Variants in MAML2 observed in about 807,000 individuals in gnomAD.
MAML2 encodes the protein mastermind-like protein 2.
MAML2 carries 22 observed loss-of-function variants against 96.1 expected under a neutral mutation model. The ratio of observed to expected loss-of-function variants is 0.23; its 90% CI spans 0.16 to 0.33. MAML2 has a LOEUF of 0.33. MAML2 is among the 10% of genes least tolerant of loss of function. The pLI is 1.00. For synonymous variants in MAML2, 561 were observed against 521.3 expected (o/e 1.08, Z -1.04); for missense variants, 1,367 against 1,392.4 (o/e 0.98, Z 0.29).
intron 1 of MAML2, among the ~76,000 whole-genome samples, chr11:96,251,058 A>G (rs748939482): frequency 6.6e-6 from 1 of 152,234 alleles, no homozygotes; most frequent in African/African-American, 2.4e-5. Flanking sequence ...GCAATTTTAT[A>G]TCGCTAGCAA....
intron 3 of MAML2, among the ~76,000 whole-genome samples, chr11:95,990,942 G>A (rs1212179858): frequency 6.6e-6 from 1 of 151,904 alleles, no homozygotes; most frequent in Non-Finnish European, 1.5e-5. Context: ...TATTAGGTTG[G>A]TGCAAAAGTG....
intron 1 of MAML2, among the ~76,000 whole-genome samples, chr11:96,184,337 G>T (rs1861538354): frequency 6.6e-6 from 1 of 151,998 alleles, no homozygotes; most frequent in Admixed American, 6.6e-5. Context: ...CTACTCAGGA[G>T]GCTGAGGCAG....
chr11:96,052,736 A>G, intron 2 of MAML2, among the ~76,000 whole-genome samples: 1 of 152,226 alleles, frequency 6.6e-6, no homozygotes, highest in East Asian at 1.9e-4. Flanking sequence ...CCTAACAAAG[A>G]ACAGAGAAAT....
intron 1 of MAML2, among the ~76,000 whole-genome samples, chr11:96,311,121 T>A (rs991583281): frequency 2.0e-5 from 3 of 152,228 alleles, no homozygotes; most frequent in Non-Finnish European, 2.9e-5. Context: ...TTTGTTCAAA[T>A]GTTCACAAGA....
chr11:96,228,044 G>GT (rs1378184496), intron 1 of MAML2, among the ~76,000 whole-genome samples: 1 of 152,210 alleles, frequency 6.6e-6, no homozygotes, highest in Non-Finnish European at 1.5e-5. Context: ...TGAGCCTGGA[G>GT]TGAGCTGAAA....
Position 96,051,980 on chromosome 11 carries a change from T to C in MAML2, c.2139+39912A>G, listed in dbSNP as rs376053661. On this transcript the variant is annotated intron_variant, in intron 2 of 4. Coordinates refer to ENST00000524717, the MANE Select transcript of MAML2 (RefSeq NM_032427.4). ...AGGATTCCGTTTAGAAACTAGACTA[T>C]GAGATGAAATGAAACAATGCATGTA... Among the ~76,000 whole-genome samples the C allele has an allele frequency of 3.4e-4, 52 of 152,302 alleles. 1 individual carries two copies. In the East Asian group the frequency reaches 4.4e-3, roughly 13 times the overall value.
intron 2 of MAML2, among the ~76,000 whole-genome samples, chr11:96,004,706 T>C (rs1043822363): frequency 1.3e-5 from 2 of 152,236 alleles, no homozygotes; most frequent in Admixed American, 6.5e-5. Flanking sequence ...TATACAATTT[T>C]GTATATTTTG....
At chr11:96,218,978 T>C (rs1025038457) in intron 1 of MAML2, among the ~76,000 whole-genome samples, 3 of 152,196 alleles carry the variant, frequency 2.0e-5, no homozygotes, top group Non-Finnish European at 2.9e-5. Context: ...TATCTCCAGA[T>C]TGTAGGTCTG....
chr11:95,979,851 T>C lies in MAML2; in HGVS notation c.2568A>G (p.Arg856=). The C allele has an allele frequency of 6.2e-7, 1 of 1,614,028 alleles. No homozygotes were observed. Among genetic ancestry groups the C allele is most frequent in the Non-Finnish European group, 8.5e-7 (1 of 1,179,886 alleles). Residue 856 remains arginine (R), a synonymous_variant, in exon 5 of 5, where the codon AGA becomes AGG. Coordinates refer to ENST00000524717, the MANE Select transcript of MAML2 (RefSeq NM_032427.4). ...GAACTGCTGTAGATAATGATGGCATTCTTGTCCCGTGAGAAGTAGACAGGA... is the reference window on the plus strand; with the variant it reads ...GAACTGCTGTAGATAATGATGGCATCCTTGTCCCGTGAGAAGTAGACAGGA... ...SSLLSTSHGT[R]MPSLSTAVQN...
At chr11:96,134,899 A>C (rs1178448840) in intron 1 of MAML2, among the ~76,000 whole-genome samples, 1 of 152,346 alleles carries the variant, frequency 6.6e-6, no homozygotes, top group South Asian at 2.1e-4. Flanking sequence ...GTAGGGCATT[A>C]CATCCAGAGC....
rs376194998 is a variant in MAML2 at position 96,145,875 on chromosome 11, G to T, written c.514-52358C>A. On this transcript the variant is annotated intron_variant, in intron 1 of 4. Coordinates refer to ENST00000524717, the MANE Select transcript of MAML2 (RefSeq NM_032427.4). ...ATACAAAAAATTAGCCGGGCATGGT[G>T]GTGGGTGCCTGTAATCCCAGCTACT... is the stretch of plus-strand genomic sequence containing the variant. Among the ~76,000 whole-genome samples the T allele has an allele frequency of 6.6e-5, 10 of 152,298 alleles. No individual in the cohort carries two copies. In the East Asian group the frequency reaches 7.7e-4, roughly 12 times the overall value.
intron 1 of MAML2, among the ~76,000 whole-genome samples, chr11:96,302,351 T>G (rs1369108212): frequency 6.6e-6 from 1 of 152,220 alleles, no homozygotes; most frequent in Admixed American, 6.5e-5. Flanking sequence ...TGTACTTTCA[T>G]CTGTTGTTCT....
At chr11:96,022,610 T>C (rs1319587085) in intron 2 of MAML2, among the ~76,000 whole-genome samples, 1 of 152,172 alleles carries the variant, frequency 6.6e-6, no homozygotes, top group Non-Finnish European at 1.5e-5. Flanking sequence ...GTAGAGGAAA[T>C]AGCACTAGGC....
At chr11:96,161,628 T>C (rs1861105325) in intron 1 of MAML2, among the ~76,000 whole-genome samples, 2 of 152,188 alleles carry the variant, frequency 1.3e-5, no homozygotes, top group African/African-American at 4.8e-5. Flanking sequence ...AATAAAAACA[T>C]GATCTCAGGG....
chr11:96,247,322 A>C (rs1327489279), intron 1 of MAML2, among the ~76,000 whole-genome samples: 1 of 152,134 alleles, frequency 6.6e-6, no homozygotes, highest in African/African-American at 2.4e-5. Flanking sequence ...ATTTGCTAAG[A>C]ATTCTGAGAT....
rs1161606205 is a variant in MAML2, at chr11:95,979,344, T to A, written c.3075A>T (p.Gln1025His). 3 of 1,613,766 alleles carry A rather than the reference T, an allele frequency of 1.9e-6. No homozygotes were observed. The highest frequency in any genetic ancestry group is 2.5e-6 in the Non-Finnish European group (3 of 1,179,866). ...GGCTCATTTGGTTCATGGGTCTCAT[T>A]TGCACTGCTGGTGTTAACTGGTTAG... is the stretch of plus-strand genomic sequence containing the variant. The part of the protein sequence containing the change: ...APPNQLTPAV[Q>H]MRPMNQMSQT... Residue 1025 changes from glutamine (Q) to histidine (H), a missense_variant, in exon 5 of 5, where the codon CAA becomes CAT. Coordinates refer to ENST00000524717, the MANE Select transcript of MAML2 (RefSeq NM_032427.4).
chr11:96,119,794 T>G (rs536057661), intron 1 of MAML2, among the ~76,000 whole-genome samples: 1 of 152,326 alleles, frequency 6.6e-6, no homozygotes, highest in African/African-American at 2.4e-5. Context: ...TCAAATCACT[T>G]ATCATGATTT....
intron 2 of MAML2, among the ~76,000 whole-genome samples, chr11:96,039,310 G>A (rs1565196459): frequency 6.8e-6 from 1 of 146,936 alleles, no homozygotes; most frequent in Non-Finnish European, 1.5e-5. Context: ...AGAGAAGAGA[G>A]GGGAGAGAGG....
intron 1 of MAML2, among the ~76,000 whole-genome samples, chr11:96,144,136 G>C (rs968257754): frequency 2.0e-5 from 3 of 152,132 alleles, no homozygotes; most frequent in African/African-American, 4.8e-5. Context: ...TCAGAGCTGG[G>C]AGTTCTCGTC....
Sources: allele counts gnomAD v4.1 joint callset (sites outside exome capture counted in the v4.1 genomes callset), GRCh38; gene constraint gnomAD v4.1.1; transcripts MANE v1.5; gene names NCBI Gene and HGNC (gene_info 2026-07-23, HGNC 2026-07-21).